The following SAMMSON variants were observed in gnomAD, a reference collection of about 807,000 sequenced individuals.
SAMMSON encodes the protein survival associated mitochondrial melanoma specific oncogenic non-coding RNA.
Position 70,045,041 on chromosome 3 carries a change from TA to T in SAMMSON, n.418-26433del, listed in dbSNP as rs1262350773. 6.5e-4 allele frequency among the ~76,000 whole-genome samples: 81 copies of T among 123,926 alleles called. 2 individuals carry two copies. The highest frequency in any genetic ancestry group is 3.7e-3 in the South Asian group (16 of 4,296). 81.3% of individuals were successfully genotyped at this position (123,926 alleles called of 152,430 possible). On this transcript the variant is annotated intron_variant and non_coding_transcript_variant, in intron 3 of 9. Coordinates refer to ENST00000642114, the Ensembl canonical transcript of SAMMSON. ...AATTAATTATAATATATATTATAAT[TA>T]ATATATATAATTAATTATAATATAT... is the stretch of plus-strand genomic sequence containing the variant.
intron 4 of SAMMSON, among the ~76,000 whole-genome samples, chr3:70,247,183 G>C (rs146864242): frequency 3.5e-4 from 53 of 151,970 alleles, no homozygotes; most frequent in Non-Finnish European, 4.6e-4. Context: ...AACTTTGGAT[G>C]ACTTCCCTGT....
intron 9 of SAMMSON, among the ~76,000 whole-genome samples, chr3:70,361,202 C>G (rs1355581195): frequency 6.6e-6 from 1 of 152,106 alleles, no homozygotes; most frequent in Admixed American, 6.6e-5. Flanking sequence ...CTGTAGTCTC[C>G]TTGTGAGTCA....
intron 7 of SAMMSON, among the ~76,000 whole-genome samples, chr3:70,335,423 T>A (rs1227155821): frequency 2.0e-5 from 3 of 152,058 alleles, no homozygotes; most frequent in Non-Finnish European, 4.4e-5. Flanking sequence ...CACACAATCA[T>A]AGTTTTCAAG....
At chr3:70,005,706 G>A (rs1391054969) in intron 1 of SAMMSON, among the ~76,000 whole-genome samples, 3 of 152,128 alleles carry the variant, frequency 2.0e-5, no homozygotes, top group East Asian at 1.9e-4. Context: ...GAGGGAAGTC[G>A]TCTTTGGATA....
At chr3:70,154,706 A>C (rs2067585182) in intron 4 of SAMMSON, among the ~76,000 whole-genome samples, 2 of 152,112 alleles carry the variant, frequency 1.3e-5, no homozygotes, top group South Asian at 4.1e-4. Context: ...GGAGGAAACC[A>C]TGAAAGTTTA....
chr3:70,213,300 C>T (rs1701368441), intron 4 of SAMMSON, among the ~76,000 whole-genome samples: 1 of 151,980 alleles, frequency 6.6e-6, no homozygotes, highest in Admixed American at 6.6e-5. Context: ...AAACAGGTAG[C>T]TTGTTGCTAA....
At chr3:70,047,777 C>G (rs1215841236) in intron 3 of SAMMSON, among the ~76,000 whole-genome samples, 1 of 152,064 alleles carries the variant, frequency 6.6e-6, no homozygotes, top group African/African-American at 2.4e-5. Flanking sequence ...TTTAGACCTT[C>G]TTACTGTGTC....
intron 4 of SAMMSON, among the ~76,000 whole-genome samples, chr3:70,143,620 G>A (rs1232137368): frequency 2.6e-5 from 4 of 152,096 alleles, no homozygotes; most frequent in Non-Finnish European, 4.4e-5. Context: ...TAAGAGGGTG[G>A]AAGGAGAGTG....
intron 4 of SAMMSON, among the ~76,000 whole-genome samples, chr3:70,152,379 G>A (rs1213269941): frequency 3.3e-5 from 5 of 152,006 alleles, no homozygotes; most frequent in Admixed American, 2.0e-4. Context: ...GTAAACCAAT[G>A]TACAAGTTGA....
intron 4 of SAMMSON, among the ~76,000 whole-genome samples, chr3:70,157,002 T>C (rs896699928): frequency 1.3e-5 from 2 of 152,110 alleles, no homozygotes; most frequent in African/African-American, 4.8e-5. Flanking sequence ...TGCCTATTTT[T>C]GCTGAGTCAA....
At chr3:70,424,242 CACTT>C (rs1316460652) in intron 2 of SAMMSON, among the ~76,000 whole-genome samples, 2 of 152,040 alleles carry the variant, frequency 1.3e-5, no homozygotes, top group African/African-American at 2.4e-5. Flanking sequence ...ATTAATTTCT[CACTT>C]ACATAAAAGC....
At chr3:70,114,106 C>T (rs2067400441) in intron 4 of SAMMSON, among the ~76,000 whole-genome samples, 1 of 152,302 alleles carries the variant, frequency 6.6e-6, no homozygotes, top group South Asian at 2.1e-4. Flanking sequence ...ATTGGAGGCA[C>T]CGATTCATTC....
intron 4 of SAMMSON, among the ~76,000 whole-genome samples, chr3:70,131,439 C>A (rs1427808690): frequency 6.6e-6 from 1 of 152,136 alleles, no homozygotes; most frequent in Non-Finnish European, 1.5e-5. Flanking sequence ...ATTTACTAGA[C>A]TATGAAATGA....
chr3:70,283,156 G>A (rs1280261582), intron 6 of SAMMSON, among the ~76,000 whole-genome samples: 1 of 152,124 alleles, frequency 6.6e-6, no homozygotes, highest in Non-Finnish European at 1.5e-5. Flanking sequence ...AGCACTAGGT[G>A]GTTGTGAGCA....
chr3:70,076,042 G>A (rs903086861), intron 4 of SAMMSON, among the ~76,000 whole-genome samples: 8 of 151,898 alleles, frequency 5.3e-5, no homozygotes, highest in African/African-American at 1.7e-4. Flanking sequence ...GAGCAAATTC[G>A]GAGAGTTTAG....
chr3:70,401,028 G>C (rs951213407), intron 2 of SAMMSON, among the ~76,000 whole-genome samples: 40 of 152,148 alleles, frequency 2.6e-4, no homozygotes, highest in Admixed American at 2.1e-3. Context: ...TTATAGTACA[G>C]TTTAAGACTA....
intron 4 of SAMMSON, among the ~76,000 whole-genome samples, chr3:70,113,767 G>A (rs559016817): frequency 3.3e-4 from 50 of 152,254 alleles, no homozygotes; most frequent in African/African-American, 1.2e-3. Flanking sequence ...TGGGACCTTT[G>A]GGAAATAATT....
At chr3:70,061,847 G>A (rs945944948) in intron 3 of SAMMSON, among the ~76,000 whole-genome samples, 1 of 152,098 alleles carries the variant, frequency 6.6e-6, no homozygotes, top group Non-Finnish European at 1.5e-5. Context: ...CTTGTCACTT[G>A]CAACAGCTTC....
At chr3:70,430,796 C>T (rs62255195) in intron 2 of SAMMSON, among the ~76,000 whole-genome samples, 33,902 of 152,006 alleles carry the variant, frequency 0.22, 3,823 homozygotes, top group Middle Eastern at 0.29. Flanking sequence ...TTGATGTATA[C>T]TATAGGATAT....
Sources: gnomAD v4.1 joint callset for allele counts (sites outside exome capture counted in the v4.1 genomes callset) on GRCh38, gnomAD v4.1.1 for gene constraint, MANE v1.5 for transcripts, NCBI Gene and HGNC (gene_info 2026-07-23, HGNC 2026-07-21) for gene names.